The following ANKRD30A variants were observed in gnomAD, a reference collection of about 807,000 sequenced individuals.
The protein encoded by ANKRD30A is ankyrin repeat domain 30A, also known as ankyrin repeat domain-containing protein 30A.
Under a neutral mutation model 166.3 loss-of-function variants are expected in ANKRD30A, and 170 were observed. That is an observed-to-expected ratio of 1.02 (90% CI 0.90 to 1.16). The LOEUF is 1.16. Among genes scored for constraint, ANKRD30A ranks in the 50% most tolerant of loss-of-function variants. The pLI is 0.00. For synonymous variants in ANKRD30A, 564 were observed against 508.9 expected, an observed-to-expected ratio of 1.11 and a Z score of -1.46; for missense variants, 1,630 against 1,518.0, an observed-to-expected ratio of 1.07 and a Z score of -1.23.
chr10:37,239,573 G>GA, the ANKRD30A span, among the ~76,000 whole-genome samples: 2 of 151,998 alleles, frequency 1.3e-5, no homozygotes, highest in Non-Finnish European at 2.9e-5. Flanking sequence ...CTATTGAAGT[G>GA]AAAAAACTGA....
At chr10:37,146,963 A>G (rs1837550388) in intron 8 of ANKRD30A, among the ~76,000 whole-genome samples, 1 of 151,986 alleles carries the variant, frequency 6.6e-6, no homozygotes, top group Non-Finnish European at 1.5e-5. Context: ...ACTACCTCTA[A>G]TATTTTTTCC....
chr10:37,197,056 C>G (rs527559068), intron 27 of ANKRD30A, among the ~76,000 whole-genome samples: 1 of 152,258 alleles, frequency 6.6e-6, no homozygotes, highest in African/African-American at 2.4e-5. Context: ...CAATCTCGCT[C>G]TTGAAGTCTT....
intron 31 of ANKRD30A, among the ~76,000 whole-genome samples, chr10:37,208,989 T>C (rs1842137764): frequency 6.6e-6 from 1 of 152,150 alleles, no homozygotes; most frequent in African/African-American, 2.4e-5. Context: ...TTTAAGTCTT[T>C]TCATGTCTTT....
In ANKRD30A at chr10:37,130,354, T is replaced by C. The variant is rs1268347890; in HGVS notation, c.486T>C (p.Gly162=). The change falls in exon 3 of 36, where the codon GGT becomes GGC. Residue 162 remains glycine (G), a synonymous_variant. Coordinates refer to ENST00000361713, the MANE Select transcript of ANKRD30A (RefSeq NM_052997.3). ...TGGTGGCAAAACTGCTGTCCCATGG[T>C]GCAGTCATCGAAGTGCACAACAAGG... The part of the protein sequence containing the change: ...LSVVAKLLSH[G]AVIEVHNKAS... 6.5e-7 allele frequency: 1 copy of C among 1,543,520 alleles called. No individual in the cohort carries two copies. The highest frequency in any genetic ancestry group is 1.9e-5 in the Admixed American group (1 of 51,762).
chr10:37,226,085 A>G (rs548658863), intron 34 of ANKRD30A, among the ~76,000 whole-genome samples: 3 of 151,256 alleles, frequency 2.0e-5, no homozygotes, highest in African/African-American at 4.8e-5. Flanking sequence ...TTCACTTAGC[A>G]TAACATTTTC....
chr10:37,201,092 T>C (rs1427452510), intron 30 of ANKRD30A, 143 bp from the exon 31 acceptor site: 2 of 523,872 alleles, frequency 3.8e-6, no homozygotes, highest in African/African-American at 4.1e-5. Context: ...TAAAATGTTT[T>C]TTTTTATACG....
At chr10:37,235,918 C>T (rs1004215568), downstream of ANKRD30A, among the ~76,000 whole-genome samples, 5 of 151,784 alleles carry the variant, frequency 3.3e-5, no homozygotes, top group African/African-American at 9.7e-5. Flanking sequence ...TACAGGCGCC[C>T]GCCACCAAGC....
chr10:37,190,484 A>G (rs1840457304), intron 25 of ANKRD30A, among the ~76,000 whole-genome samples: 1 of 151,922 alleles, frequency 6.6e-6, no homozygotes. Flanking sequence ...GGAAGATACT[A>G]CCACTCCTCA....
intron 34 of ANKRD30A, among the ~76,000 whole-genome samples, chr10:37,225,083 C>T (rs1843082663): frequency 6.6e-6 from 1 of 150,958 alleles, no homozygotes; most frequent in Non-Finnish European, 1.5e-5. Context: ...CAAAAGTAAT[C>T]ATGGTTCAAA....
intron 4 of ANKRD30A, 36 bp downstream of exon 4, chr10:37,132,382 G>A (rs953283190): frequency 7.7e-7 from 1 of 1,297,232 alleles, no homozygotes; most frequent in Non-Finnish European, 1.1e-6. Context: ...AAACACTTGA[G>A]TAGTGTTCTA....
chr10:37,125,973 G>A lies in ANKRD30A; in HGVS notation c.186G>A (p.Lys62=). Residue 62 remains lysine (K), a synonymous_variant, in exon 1 of 36, where the codon AAG becomes AAA. Coordinates refer to ENST00000361713, the MANE Select transcript of ANKRD30A (RefSeq NM_052997.3). ...RKLEKMTKRK[K]TINLNIQDAQ... is the part of the protein sequence containing the mutation. Reference sequence around the variant, plus strand: ...TGGAGAAGATGACAAAGAGGAAGAAGACCATCAACCTTAATATACAAGACG... The same window carrying A: ...TGGAGAAGATGACAAAGAGGAAGAAAACCATCAACCTTAATATACAAGACG... The A allele has an allele frequency of 6.2e-7, 1 of 1,609,482 alleles. No individual in the cohort carries two copies. Among genetic ancestry groups the A allele is most frequent in the Non-Finnish European group, 8.5e-7 (1 of 1,178,762 alleles).
At chr10:37,256,277 G>C in the ANKRD30A span, among the ~76,000 whole-genome samples, 1 of 152,004 alleles carries the variant, frequency 6.6e-6, no homozygotes, top group Non-Finnish European at 1.5e-5. Context: ...TTTTTATTTA[G>C]ACAAGGTCTC....
chr10:37,209,908 A>G (rs1447842036), intron 31 of ANKRD30A, among the ~76,000 whole-genome samples: 1 of 152,088 alleles, frequency 6.6e-6, no homozygotes, highest in Non-Finnish European at 1.5e-5. Flanking sequence ...GATCTTTTAC[A>G]TAAAAATTTC....
chr10:37,261,829 T>C, the ANKRD30A span: 1 of 152,790 alleles, frequency 6.5e-6, no homozygotes, highest in South Asian at 2.1e-4. Context: ...ATGCTCAGGA[T>C]CTAGGAAGTT....
At chr10:37,127,782 G>A (rs1389633672) in intron 1 of ANKRD30A, among the ~76,000 whole-genome samples, 1 of 152,034 alleles carries the variant, frequency 6.6e-6, no homozygotes, top group Non-Finnish European at 1.5e-5. Flanking sequence ...AGGATAAAAA[G>A]CAGTGATATT....
chr10:37,224,908 G>GTGTTCTTT (rs1180366785), intron 34 of ANKRD30A, among the ~76,000 whole-genome samples: 1 of 151,494 alleles, frequency 6.6e-6, no homozygotes, highest in Non-Finnish European at 1.5e-5. Flanking sequence ...TTATGTGTGT[G>GTGTTCTTT]TGTTCTTTTC....
At chr10:37,191,089 T>G (rs1482695714) in intron 25 of ANKRD30A, among the ~76,000 whole-genome samples, 1 of 151,858 alleles carries the variant, frequency 6.6e-6, no homozygotes, top group Admixed American at 6.6e-5. Context: ...GAAAATGTTA[T>G]TAATATTTAA....
At chr10:37,195,397 A>G (rs1375318513) in intron 27 of ANKRD30A, among the ~76,000 whole-genome samples, 1 of 152,124 alleles carries the variant, frequency 6.6e-6, no homozygotes, top group African/African-American at 2.4e-5. Flanking sequence ...ACATGGGAAG[A>G]AGTAGTTCAG....
chr10:37,164,630 G>C (rs866972214), intron 17 of ANKRD30A, among the ~76,000 whole-genome samples: 3 of 152,100 alleles, frequency 2.0e-5, no homozygotes, highest in South Asian at 4.1e-4. Context: ...ACATCAAAAA[G>C]TTAATATTCC....
Sources: allele counts gnomAD v4.1 joint callset (sites outside exome capture counted in the v4.1 genomes callset), GRCh38; gene constraint gnomAD v4.1.1; transcripts MANE v1.5; gene names NCBI Gene and HGNC (gene_info 2026-07-23, HGNC 2026-07-21).